NCOA2: variants seen among roughly 807,000 people sequenced by gnomAD.
The protein encoded by NCOA2 is class E basic helix-loop-helix protein 75.
In NCOA2, 21 loss-of-function variants were observed where a neutral mutation model predicts 145.1. The ratio of observed to expected loss-of-function variants is 0.14; its 90% CI spans 0.10 to 0.21. The LOEUF is 0.21. Ranked by LOEUF, NCOA2 falls within the 10% of genes least tolerant of loss-of-function variation. The probability of loss-of-function intolerance (pLI) is 1.00; values close to 1 mark genes in which losing one functional copy is unlikely to be tolerated. For synonymous variants in NCOA2, 619 were observed against 637.5 expected (o/e 0.97, Z 0.44); for missense variants, 1,472 against 1,837.6 (o/e 0.80, Z 3.64).
At chr8:70,297,068 G>C (rs1416035407) in intron 1 of NCOA2, among the ~76,000 whole-genome samples, 5 of 152,170 alleles carry the variant, frequency 3.3e-5, no homozygotes, top group African/African-American at 1.2e-4. Flanking sequence ...CAAATTCTGA[G>C]TGGCCGTCCT....
chr8:70,319,937 TA>T (rs1222400499), intron 1 of NCOA2, among the ~76,000 whole-genome samples: 1 of 152,234 alleles, frequency 6.6e-6, no homozygotes, highest in Non-Finnish European at 1.5e-5. Context: ...GCTTCTGTGA[TA>T]TTTTTAACTG....
At chr8:70,160,218 G>A (rs1351169800) in intron 9 of NCOA2, among the ~76,000 whole-genome samples, 1 of 151,958 alleles carries the variant, frequency 6.6e-6, no homozygotes, top group East Asian at 1.9e-4. Context: ...ATGTGGTTAG[G>A]ACAACAGGAA....
the NCOA2 span, among the ~76,000 whole-genome samples, chr8:70,439,947 AG>A: frequency 6.6e-6 from 1 of 152,178 alleles, no homozygotes; most frequent in Non-Finnish European, 1.5e-5. Context: ...AATTAAGACA[AG>A]GTGTCAAGAG....
intron 4 of NCOA2, among the ~76,000 whole-genome samples, chr8:70,183,162 T>A (rs1247913592): frequency 6.6e-6 from 1 of 152,086 alleles, no homozygotes; most frequent in African/African-American, 2.4e-5. Context: ...AATAAAGGAA[T>A]CATAATTTGC....
At chr8:70,360,467 G>C (rs1810100497) in intron 1 of NCOA2, among the ~76,000 whole-genome samples, 2 of 152,124 alleles carry the variant, frequency 1.3e-5, no homozygotes, top group Admixed American at 1.3e-4. Context: ...TATATTTAAA[G>C]GGTAGTTAAT....
intron 1 of NCOA2, among the ~76,000 whole-genome samples, chr8:70,395,551 A>G (rs1813579176): frequency 6.6e-6 from 1 of 152,264 alleles, no homozygotes; most frequent in Non-Finnish European, 1.5e-5. Flanking sequence ...ATCTAAAAAC[A>G]TTTCGACAAT....
chr8:70,199,637 T>G (rs1817686176), intron 4 of NCOA2, among the ~76,000 whole-genome samples: 1 of 152,020 alleles, frequency 6.6e-6, no homozygotes, highest in Non-Finnish European at 1.5e-5. Flanking sequence ...GGAGTGTAAC[T>G]TCCTTCATTT....
At chr8:70,212,322 A>C (rs1349023121) in intron 4 of NCOA2, among the ~76,000 whole-genome samples, 1 of 152,176 alleles carries the variant, frequency 6.6e-6, no homozygotes, top group African/African-American at 2.4e-5. Flanking sequence ...TGACACTAAA[A>C]TATGAAGATA....
At chr8:70,391,853 G>T (rs188320623) in intron 1 of NCOA2, among the ~76,000 whole-genome samples, 1 of 152,254 alleles carries the variant, frequency 6.6e-6, no homozygotes, top group Admixed American at 6.5e-5. Context: ...AAATAGAGCT[G>T]ATATTAGATG....
At chr8:70,320,925 A>G (rs1452050085) in intron 1 of NCOA2, among the ~76,000 whole-genome samples, 5 of 152,206 alleles carry the variant, frequency 3.3e-5, no homozygotes, top group African/African-American at 9.6e-5. Context: ...CTACAAATAT[A>G]TAACTTTCTG....
At chr8:70,289,804 G>A (rs929526807) in intron 2 of NCOA2, among the ~76,000 whole-genome samples, 1 of 151,976 alleles carries the variant, frequency 6.6e-6, no homozygotes, top group Admixed American at 6.6e-5. Flanking sequence ...CTCCCTACTT[G>A]GCCATTATTA....
intron 2 of NCOA2, among the ~76,000 whole-genome samples, chr8:70,255,700 T>G (rs750576755): frequency 3.4e-4 from 51 of 152,228 alleles, no homozygotes; most frequent in Non-Finnish European, 5.7e-4. Flanking sequence ...TAAGCCTGTA[T>G]GTGGCCTCTC....
intron 4 of NCOA2, among the ~76,000 whole-genome samples, chr8:70,207,916 T>C (rs1818630366): frequency 1.7e-5 from 2 of 116,874 alleles, no homozygotes; most frequent in Non-Finnish European, 3.8e-5. Flanking sequence ...AGAAAAGCAA[T>C]TGAAAATGAA....
At chr8:70,351,480 CCT>C (rs1398055410) in intron 1 of NCOA2, among the ~76,000 whole-genome samples, 2 of 152,072 alleles carry the variant, frequency 1.3e-5, no homozygotes, top group Admixed American at 1.3e-4. Context: ...TTTTTTCATC[CCT>C]GAGTATATAA....
chr8:70,285,162 T>C (rs1826151477), intron 2 of NCOA2, among the ~76,000 whole-genome samples: 1 of 152,220 alleles, frequency 6.6e-6, no homozygotes, highest in Admixed American at 6.5e-5. Context: ...TTATACTTCT[T>C]CAACTAGAGG....
At chr8:70,300,333 A>T (rs1034845318) in intron 1 of NCOA2, among the ~76,000 whole-genome samples, 2 of 152,210 alleles carry the variant, frequency 1.3e-5, no homozygotes, top group Non-Finnish European at 2.9e-5. Context: ...GCAAAAAAAA[A>T]TTTTAATGTT....
chr8:70,163,623 A>G (rs1585909702), intron 7 of NCOA2, 57 bp from the exon 8 acceptor site: 1 of 1,330,328 alleles, frequency 7.5e-7, no homozygotes, highest in South Asian at 1.2e-5. Context: ...ATTCAAACAA[A>G]CCCAAGTGTA....
chr8:70,314,431 T>C (rs765461711), intron 1 of NCOA2, among the ~76,000 whole-genome samples: 1 of 151,938 alleles, frequency 6.6e-6, no homozygotes, highest in Non-Finnish European at 1.5e-5. Flanking sequence ...ACAAAAACAA[T>C]AACAAACAGC....
At chr8:70,300,104 G>A (rs1827378035) in intron 1 of NCOA2, among the ~76,000 whole-genome samples, 1 of 152,120 alleles carries the variant, frequency 6.6e-6, no homozygotes, top group South Asian at 2.1e-4. Flanking sequence ...ACAGAAAACA[G>A]GCTGATGGTT....
Sources: gnomAD v4.1 joint callset for allele counts (sites outside exome capture counted in the v4.1 genomes callset) on GRCh38, gnomAD v4.1.1 for gene constraint, MANE v1.5 for transcripts, NCBI Gene and HGNC (gene_info 2026-07-23, HGNC 2026-07-21) for gene names.